Variants in FRMD3 observed in about 807,000 individuals in gnomAD.
The protein encoded by FRMD3 is FERM domain containing 3.
Under a neutral mutation model 70.2 loss-of-function variants are expected in FRMD3, and 33 were observed. That is an observed-to-expected ratio of 0.47 (90% confidence interval 0.36 to 0.63). FRMD3 has a LOEUF of 0.63. Among genes scored for constraint, FRMD3 ranks in the 20% least tolerant of loss-of-function variants. The pLI, the probability that FRMD3 is intolerant of heterozygous loss-of-function variation, is 0.00. For missense variants in FRMD3, 632 were observed against 711.4 expected (o/e 0.89, Z 1.27); for synonymous variants, 279 against 255.9 (o/e 1.09, Z -0.86).
At chr9:83,326,404 G>A (rs1272926244) in intron 6 of FRMD3, among the ~76,000 whole-genome samples, 1 of 151,884 alleles carries the variant, frequency 6.6e-6, no homozygotes, top group Non-Finnish European at 1.5e-5. Flanking sequence ...AGCATCATTT[G>A]CTTTGGGCTT....
the FRMD3 span, among the ~76,000 whole-genome samples, chr9:83,561,372 ATCTAAT>A: frequency 6.6e-6 from 1 of 152,242 alleles, no homozygotes; most frequent in East Asian, 1.9e-4. Context: ...ATTCAAGCTG[ATCTAAT>A]CCCTTCAGCT....
chr9:83,397,671 A>C lies in FRMD3; in HGVS notation c.148-7963T>G, dbSNP rs150196831. On this transcript the variant is annotated intron_variant, in intron 1 of 13. Transcript: ENST00000304195. ...TGTGAGGCCTCATTTCCTAATTATG[A>C]GGGTTGTGAGGTTCTTGTTCAAAGG... 5.9e-3 allele frequency among the ~76,000 whole-genome samples: 893 copies of C among 152,230 alleles called. 4 individuals carry two copies. The highest frequency in any genetic ancestry group is 0.01 in the Non-Finnish European group (685 of 68,018).
chr9:83,503,124 C>G (rs1450928105), intron 1 of FRMD3, among the ~76,000 whole-genome samples: 1 of 152,150 alleles, frequency 6.6e-6, no homozygotes, highest in Non-Finnish European at 1.5e-5. Context: ...CCCTAACCCC[C>G]AGAACCTATC....
At chr9:83,415,419 T>C (rs1826403440) in intron 1 of FRMD3, among the ~76,000 whole-genome samples, 1 of 150,740 alleles carries the variant, frequency 6.6e-6, no homozygotes, top group Non-Finnish European at 1.5e-5. Flanking sequence ...AAAACTATGT[T>C]CCTGAGACCG....
chr9:83,491,320 A>T (rs1184812641), intron 1 of FRMD3, among the ~76,000 whole-genome samples: 1 of 152,240 alleles, frequency 6.6e-6, no homozygotes, highest in African/African-American at 2.4e-5. Flanking sequence ...AGAAAAGATC[A>T]TAAATGTGTT....
chr9:83,342,100 T>C (rs1823779894), intron 5 of FRMD3, among the ~76,000 whole-genome samples: 1 of 145,104 alleles, frequency 6.9e-6, no homozygotes, highest in Non-Finnish European at 1.5e-5. Context: ...TTCTCTCTCA[T>C]AAACATGTCA....
chr9:83,329,095 T>G (rs1292213308), intron 6 of FRMD3, among the ~76,000 whole-genome samples: 1 of 152,192 alleles, frequency 6.6e-6, no homozygotes, highest in Non-Finnish European at 1.5e-5. Context: ...GGCTTGGACA[T>G]GCACACCACT....
chr9:83,316,161 C>CCTT (rs1835564990), intron 6 of FRMD3, among the ~76,000 whole-genome samples: 1 of 112,606 alleles, frequency 8.9e-6, no homozygotes, highest in African/African-American at 3.7e-5. Flanking sequence ...TTTTTTTTTT[C>CCTT]TTTTTTTTTT....
In FRMD3 at chr9:83,343,261, CT is replaced by C; in HGVS notation, c.400del (p.Arg134GlyfsTer57). The C allele has an allele frequency of 6.2e-7, 1 of 1,613,440 alleles. No homozygotes were observed. Among genetic ancestry groups the C allele is most frequent in the Non-Finnish European group, 8.5e-7 (1 of 1,179,390 alleles). ...TRYLLYLQIK[R>X]DIFHGRLLCS... is the part of the protein sequence containing the mutation. ...CAGCAGGCGGCCATGAAAAATGTCCCTTTTAATCTGAAGGTATAAAAGGTAT... is the reference window on the plus strand; with the variant it reads ...CAGCAGGCGGCCATGAAAAATGTCCCTTTAATCTGAAGGTATAAAAGGTAT... On this transcript the variant is annotated frameshift_variant, in exon 5 of 14. Transcript: ENST00000304195. LOFTEE classifies it high-confidence loss of function.
At chr9:83,374,791 A>G (rs565029726) in intron 2 of FRMD3, among the ~76,000 whole-genome samples, 3 of 152,296 alleles carry the variant, frequency 2.0e-5, no homozygotes, top group Non-Finnish European at 1.5e-5. Context: ...CGCATCTTTC[A>G]ATATATGTGC....
intron 3 of FRMD3, among the ~76,000 whole-genome samples, chr9:83,352,199 A>G (rs1349943264): frequency 6.6e-6 from 1 of 152,188 alleles, no homozygotes; most frequent in Non-Finnish European, 1.5e-5. Flanking sequence ...ATATGCTTGT[A>G]TTTTTATTTC....
At chr9:83,331,405 T>G (rs138169467) in intron 6 of FRMD3, among the ~76,000 whole-genome samples, 2 of 152,152 alleles carry the variant, frequency 1.3e-5, no homozygotes, top group African/African-American at 4.8e-5. Context: ...GCAAAAGCTA[T>G]AGAGACAGTA....
At position 83,537,319 on chromosome 9, in the gene FRMD3, T is replaced by C. The variant is rs936490287; in HGVS notation, c.147+766A>G. ...CCTCCAACTTGGGCGACAGTGAATG[T>C]CCACCAAGATTCCACGGGGCTCTTT... On this transcript the variant is annotated intron_variant, in intron 1 of 13. Transcript: ENST00000304195. The surrounding 1 kb of genome is among the most constrained non-coding windows in gnomAD (Gnocchi z 4.1). Among the ~76,000 whole-genome samples the C allele has an allele frequency of 1.3e-5, 2 of 152,200 alleles. No homozygotes were observed. Among genetic ancestry groups the C allele is most frequent in the African/African-American group, 4.8e-5 (2 of 41,464 alleles).
At chr9:83,254,510 C>A (rs1832599160) in intron 13 of FRMD3, among the ~76,000 whole-genome samples, 1 of 149,822 alleles carries the variant, frequency 6.7e-6, no homozygotes, top group African/African-American at 2.5e-5. Context: ...CCAAAGCTAG[C>A]AGAAGACAAG....
chr9:83,536,134 C>T (rs867012341), intron 1 of FRMD3, among the ~76,000 whole-genome samples: 1 of 152,132 alleles, frequency 6.6e-6, no homozygotes, highest in South Asian at 2.1e-4. Flanking sequence ...AGACAAATCA[C>T]AAAATGAAAC....
At chr9:83,271,682 A>C (rs1003553808) in intron 13 of FRMD3, among the ~76,000 whole-genome samples, 1 of 152,240 alleles carries the variant, frequency 6.6e-6, no homozygotes, top group African/African-American at 2.4e-5. Flanking sequence ...ATGCTTTGGC[A>C]TATTAGACAC....
At chr9:83,515,210 C>T (rs1829428580) in intron 1 of FRMD3, among the ~76,000 whole-genome samples, 1 of 152,148 alleles carries the variant, frequency 6.6e-6, no homozygotes, top group African/African-American at 2.4e-5. Context: ...TGCAAGGAAG[C>T]TAAGAACGTT....
chr9:83,389,387 G>C (rs971261231), intron 2 of FRMD3, among the ~76,000 whole-genome samples: 17 of 152,122 alleles, frequency 1.1e-4, no homozygotes, highest in African/African-American at 4.1e-4. Flanking sequence ...AAGCAGATGG[G>C]AGCAGCCTTC....
chr9:83,391,828 T>C (rs1825673927), intron 1 of FRMD3, among the ~76,000 whole-genome samples: 1 of 152,116 alleles, frequency 6.6e-6, no homozygotes, highest in South Asian at 2.1e-4. Context: ...GGATTCTAGG[T>C]CTTTGCTACT....
Sources: gnomAD v4.1 joint callset for allele counts (sites outside exome capture counted in the v4.1 genomes callset) on GRCh38, gnomAD v4.1.1 for gene constraint, Gnocchi (gnomAD v3.1) non-coding constraint, MANE v1.5 for transcripts, NCBI Gene and HGNC (gene_info 2026-07-23, HGNC 2026-07-21) for gene names.